SOX6: variants seen among roughly 807,000 people sequenced by gnomAD.
SOX6 encodes SRY-box transcription factor 6.
Under a neutral mutation model 97.8 loss-of-function variants are expected in SOX6, and 11 were observed. The ratio of observed to expected loss-of-function variants is 0.11; its 90% CI spans 0.07 to 0.19. The LOEUF (loss-of-function observed/expected upper bound fraction) is 0.19. Ranked by LOEUF, SOX6 falls within the 10% of genes least tolerant of loss-of-function variation. SOX6 has a pLI of 1.00. For missense variants in SOX6, 810 were observed against 1,039.5 expected (o/e 0.78, Z 3.04); for synonymous variants, 360 against 371.4 (o/e 0.97, Z 0.35).
chr11:16,580,878 A>G (rs190194704), intron 4 of SOX6, among the ~76,000 whole-genome samples: 20 of 152,350 alleles, frequency 1.3e-4, no homozygotes, highest in African/African-American at 4.3e-4. Context: ...GAGAAATACA[A>G]ATCAAAACCA....
Position 16,081,401 on chromosome 11 carries a change from T to C in SOX6, c.1101+14595A>G, listed in dbSNP as rs1384670128. Among the ~76,000 whole-genome samples the C allele has an allele frequency of 1.2e-4, 19 of 152,156 alleles. No individual in the cohort carries two copies. The East Asian group carries it at 3.7e-3, about 29-fold the overall frequency. Reference sequence around the variant, plus strand: ...ATCCTTTTTATTGTCAATTTAAAGATGACACAAAAAAAATGAAGGAAAAAA... The same window carrying C: ...ATCCTTTTTATTGTCAATTTAAAGACGACACAAAAAAAATGAAGGAAAAAA... On this transcript the variant is annotated intron_variant, in intron 9 of 15. Coordinates refer to ENST00000683767, the MANE Select transcript of SOX6 (RefSeq NM_001367873.1).
chr11:16,539,524 A>G (rs1427020398), intron 4 of SOX6, among the ~76,000 whole-genome samples: 3 of 152,184 alleles, frequency 2.0e-5, no homozygotes, highest in African/African-American at 7.2e-5. Flanking sequence ...AAATCAATGA[A>G]TCCAGGAGCT....
chr11:16,129,387 G>A (rs1849684471), intron 6 of SOX6, among the ~76,000 whole-genome samples: 1 of 151,784 alleles, frequency 6.6e-6, no homozygotes, highest in South Asian at 2.1e-4. Flanking sequence ...TATATGCTGT[G>A]ACATACATTA....
intron 3 of SOX6, among the ~76,000 whole-genome samples, chr11:16,699,457 T>G (rs890671629): frequency 2.6e-5 from 4 of 152,108 alleles, no homozygotes; most frequent in Non-Finnish European, 5.9e-5. Flanking sequence ...GAATGCAAAT[T>G]TTCAGGCTTG....
chr11:16,424,979 C>T (rs1247530337), intron 1 of SOX6, among the ~76,000 whole-genome samples: 2 of 151,662 alleles, frequency 1.3e-5, no homozygotes, highest in Non-Finnish European at 2.9e-5. Context: ...TGTGGGATAG[C>T]AAAGAAAAAA....
At chr11:16,460,448 T>C (rs1377722314) in intron 1 of SOX6, among the ~76,000 whole-genome samples, 1 of 152,096 alleles carries the variant, frequency 6.6e-6, no homozygotes, top group East Asian at 1.9e-4. Flanking sequence ...GAATGAATGT[T>C]AGTGTTAGTA....
At chr11:16,346,177 T>C (rs1477531290) in intron 1 of SOX6, among the ~76,000 whole-genome samples, 1 of 152,004 alleles carries the variant, frequency 6.6e-6, no homozygotes, top group East Asian at 1.9e-4. Flanking sequence ...TAATTCACTG[T>C]TAATATAATG....
At chr11:16,417,642 G>T (rs1378403549) in intron 1 of SOX6, among the ~76,000 whole-genome samples, 1 of 152,146 alleles carries the variant, frequency 6.6e-6, no homozygotes, top group Non-Finnish European at 1.5e-5. Flanking sequence ...AAATCAGTTT[G>T]AGAATAGGCT....
Position 16,717,963 on chromosome 11 carries a change from T to C in SOX6, n.354-3058A>G, listed in dbSNP as rs551637718. Among the ~76,000 whole-genome samples, 468 of 151,744 alleles carry C rather than the reference T, an allele frequency of 3.1e-3. 3 individuals are homozygous for C. Among genetic ancestry groups the C allele is most frequent in the African/African-American group, 0.011 (441 of 41,446 alleles). On this transcript the variant is annotated intron_variant and non_coding_transcript_variant, in intron 2 of 5. Coordinates refer to the SOX6 transcript ENST00000524520. The stretch of plus-strand genomic sequence containing the variant: ...TCTTTTCCTGTTTTTCTTTTTTTTT[T>C]TTTTTCCAACCATTTTGTTTTGGGG...
At chr11:16,027,684 A>C in intron 12 of SOX6, among the ~76,000 whole-genome samples, 1 of 152,236 alleles carries the variant, frequency 6.6e-6, no homozygotes, top group East Asian at 1.9e-4. Flanking sequence ...AATTTGAAGA[A>C]GCAGAATTCC....
chr11:16,511,041 A>G (rs1860873157), intron 4 of SOX6, among the ~76,000 whole-genome samples: 1 of 152,172 alleles, frequency 6.6e-6, no homozygotes, highest in African/African-American at 2.4e-5. Context: ...TACTAAGACG[A>G]AAAAACTAAG....
intron 3 of SOX6, among the ~76,000 whole-genome samples, chr11:16,633,027 T>A (rs939036374): frequency 2.0e-5 from 3 of 152,112 alleles, no homozygotes; most frequent in African/African-American, 7.2e-5. Flanking sequence ...TGCCTGGGCA[T>A]GAAGTGGAGA....
intron 4 of SOX6, among the ~76,000 whole-genome samples, chr11:16,561,748 T>C (rs1416733000): frequency 2.6e-5 from 4 of 152,084 alleles, no homozygotes; most frequent in African/African-American, 9.7e-5. Flanking sequence ...TTTTCTTTAA[T>C]AGATGGTCTC....
intron 1 of SOX6, among the ~76,000 whole-genome samples, chr11:16,418,016 C>A (rs866620451): frequency 1.3e-5 from 2 of 152,142 alleles, no homozygotes; most frequent in African/African-American, 2.4e-5. Context: ...ATGTACGTTT[C>A]CTCGACTACT....
intron 12 of SOX6, among the ~76,000 whole-genome samples, chr11:16,038,156 C>G (rs1172084548): frequency 6.6e-6 from 1 of 151,978 alleles, no homozygotes; most frequent in Non-Finnish European, 1.5e-5. Context: ...GAGGATGTGC[C>G]TAGGTTATAT....
At chr11:16,283,428 C>G (rs1296320415) in intron 3 of SOX6, among the ~76,000 whole-genome samples, 1 of 151,358 alleles carries the variant, frequency 6.6e-6, no homozygotes, top group Non-Finnish European at 1.5e-5. Context: ...TAAAATTGCT[C>G]AAGAAAATTA....
chr11:16,257,815 A>G (rs575907890), intron 3 of SOX6, among the ~76,000 whole-genome samples: 2 of 151,252 alleles, frequency 1.3e-5, no homozygotes, highest in Non-Finnish European at 3.0e-5. Context: ...ATATCTGATA[A>G]AGGAATGTTA....
At chr11:16,325,998 C>T (rs1856076930) in intron 2 of SOX6, among the ~76,000 whole-genome samples, 1 of 152,122 alleles carries the variant, frequency 6.6e-6, no homozygotes, top group Non-Finnish European at 1.5e-5. Context: ...CCTGCTGGTG[C>T]CTTGATCTTG....
intron 4 of SOX6, among the ~76,000 whole-genome samples, chr11:16,538,186 A>G (rs955428928): frequency 6.6e-6 from 1 of 152,236 alleles, no homozygotes; most frequent in Non-Finnish European, 1.5e-5. Context: ...CTCTTAAAAA[A>G]AAGAATTTTC....
Sources: allele counts gnomAD v4.1 joint callset (sites outside exome capture counted in the v4.1 genomes callset), GRCh38; gene constraint gnomAD v4.1.1; transcripts MANE v1.5; gene names NCBI Gene and HGNC (gene_info 2026-07-23, HGNC 2026-07-21).